The following INPP4B variants were observed in gnomAD, a reference collection of about 807,000 sequenced individuals.
INPP4B encodes inositol polyphosphate-4-phosphatase type II B, also known as inositol polyphosphate 4-phosphatase type II.
INPP4B carries 55 observed loss-of-function variants against 122.5 expected under a neutral mutation model. That is an observed-to-expected ratio of 0.45 (90% CI 0.36 to 0.56). INPP4B has a LOEUF of 0.56. INPP4B is among the 20% of genes least tolerant of loss of function. The pLI is 0.00. For synonymous variants in INPP4B, 403 were observed against 388.7 expected (o/e 1.04, Z -0.43); for missense variants, 1,000 against 1,097.7 (o/e 0.91, Z 1.26).
chr4:142,511,135 C>G (rs1335272540), intron 2 of INPP4B, among the ~76,000 whole-genome samples: 1 of 152,052 alleles, frequency 6.6e-6, no homozygotes, highest in Non-Finnish European at 1.5e-5. Flanking sequence ...GTTCAATATA[C>G]TATTCCTATT....
intron 7 of INPP4B, among the ~76,000 whole-genome samples, chr4:142,401,775 A>G (rs1801676088): frequency 6.6e-6 from 1 of 152,202 alleles, no homozygotes; most frequent in African/African-American, 2.4e-5. Flanking sequence ...GAATCAGAAA[A>G]TATGGCTCAG....
At chr4:142,610,144 G>A (rs944456579) in intron 2 of INPP4B, among the ~76,000 whole-genome samples, 4 of 152,078 alleles carry the variant, frequency 2.6e-5, no homozygotes, top group South Asian at 2.1e-4. Flanking sequence ...AATCAGGGGG[G>A]CAGTTTCCTC....
chr4:142,098,355 A>G (rs1335664519), intron 23 of INPP4B, among the ~76,000 whole-genome samples: 3 of 152,092 alleles, frequency 2.0e-5, no homozygotes, highest in Admixed American at 2.0e-4. Flanking sequence ...AACAACAACA[A>G]CAACAACAAA....
At chr4:142,209,941 C>T (rs1454187108) in intron 12 of INPP4B, among the ~76,000 whole-genome samples, 1 of 151,908 alleles carries the variant, frequency 6.6e-6, no homozygotes, top group Non-Finnish European at 1.5e-5. Flanking sequence ...AAAAGAAGAG[C>T]TAACCATGTC....
At chr4:142,493,909 C>G (rs1289410538) in intron 2 of INPP4B, among the ~76,000 whole-genome samples, 1 of 152,030 alleles carries the variant, frequency 6.6e-6, no homozygotes, top group Admixed American at 6.6e-5. Flanking sequence ...CAAATCTTAT[C>G]CTGAATTATA....
chr4:142,719,870 T>C (rs1419787145), intron 2 of INPP4B, among the ~76,000 whole-genome samples: 2 of 152,102 alleles, frequency 1.3e-5, no homozygotes, highest in Admixed American at 6.6e-5. Flanking sequence ...AAAGATAGAA[T>C]TTACTAAGTA....
chr4:142,427,137 G>C (rs556895890), intron 5 of INPP4B: 47 of 167,268 alleles, frequency 2.8e-4, no homozygotes, highest in African/African-American at 1.0e-3. Context: ...AACATCCACG[G>C]GTTTATCTGT....
intron 17 of INPP4B, 50 bp downstream of exon 17, chr4:142,160,308 T>C (rs1819467512): frequency 2.5e-6 from 3 of 1,217,538 alleles, no homozygotes; most frequent in Non-Finnish European, 3.3e-6. Context: ...ATTCCTACCT[T>C]ATTTCTCATT....
At chr4:142,035,152 G>A (rs112607208) in intron 25 of INPP4B, among the ~76,000 whole-genome samples, 3 of 152,278 alleles carry the variant, frequency 2.0e-5, no homozygotes, top group African/African-American at 7.2e-5. Context: ...AGGCAGGCCA[G>A]CATCCCCACT....
intron 7 of INPP4B, among the ~76,000 whole-genome samples, chr4:142,332,362 ATAAT>A (rs537506857): frequency 8.0e-4 from 122 of 152,308 alleles, no homozygotes; most frequent in Non-Finnish European, 1.6e-3. Context: ...TTTTGTAATA[ATAAT>A]TAAGTTAGTA....
chr4:142,252,062 T>A (rs1191776498), intron 11 of INPP4B, among the ~76,000 whole-genome samples: 2 of 152,200 alleles, frequency 1.3e-5, no homozygotes, highest in African/African-American at 4.8e-5. Flanking sequence ...GCATAGGTGA[T>A]CTTGAAGACT....
intron 3 of INPP4B, 128 bp from the exon 4 acceptor site, chr4:142,431,513 CA>C (rs1809286989): frequency 4.1e-6 from 2 of 492,146 alleles, no homozygotes; most frequent in Admixed American, 7.2e-5. Context: ...CTCATACTTT[CA>C]GAACCATTCC....
intron 10 of INPP4B, among the ~76,000 whole-genome samples, chr4:142,263,425 T>C (rs950100222): frequency 9.2e-5 from 14 of 151,942 alleles, no homozygotes; most frequent in African/African-American, 2.7e-4. Context: ...CCAATTGTTA[T>C]GGAGTTATAC....
chr4:142,388,863 TTGCCTTTCAGCTG>T (rs1317418844), intron 7 of INPP4B, among the ~76,000 whole-genome samples: 13 of 152,148 alleles, frequency 8.5e-5, no homozygotes, highest in Non-Finnish European at 4.4e-5. Flanking sequence ...CAGATCTATT[TTGCCTTTCAGCTG>T]TGCCTTATAT....
chr4:142,484,635 T>C (rs184602110), intron 2 of INPP4B, among the ~76,000 whole-genome samples: 5 of 152,298 alleles, frequency 3.3e-5, no homozygotes, highest in African/African-American at 9.6e-5. Flanking sequence ...TAGGTACATG[T>C]ACAGGATGTG....
chr4:142,782,597 C>A (rs1293183871), intron 1 of INPP4B, among the ~76,000 whole-genome samples: 1 of 151,528 alleles, frequency 6.6e-6, no homozygotes, highest in Non-Finnish European at 1.5e-5. Flanking sequence ...ACAGTCCCAC[C>A]AACAGTGTAA....
intron 7 of INPP4B, among the ~76,000 whole-genome samples, chr4:142,367,018 A>G (rs1787753142): frequency 6.6e-6 from 1 of 152,116 alleles, no homozygotes; most frequent in Non-Finnish European, 1.5e-5. Context: ...GCTCACCCCT[A>G]CTGGGAAGGG....
intron 2 of INPP4B, among the ~76,000 whole-genome samples, chr4:142,467,221 G>A (rs2149644283): frequency 6.6e-6 from 1 of 152,338 alleles, no homozygotes; most frequent in East Asian, 1.9e-4. Context: ...CCAGTAGATT[G>A]CAGCTTAAGC....
chr4:142,029,986 G>A, intron 25 of INPP4B: 1 of 1,377,708 alleles, frequency 7.3e-7, no homozygotes, highest in Non-Finnish European at 9.4e-7. Flanking sequence ...TTGTTTTTTA[G>A]ATTTTAGGAA....
Sources: allele counts gnomAD v4.1 joint callset (sites outside exome capture counted in the v4.1 genomes callset), GRCh38; gene constraint gnomAD v4.1.1; transcripts MANE v1.5; gene names NCBI Gene and HGNC (gene_info 2026-07-23, HGNC 2026-07-21).